VWA8: variants seen among roughly 807,000 people sequenced by gnomAD.
VWA8 encodes von Willebrand factor A domain-containing protein 8.
Under a neutral mutation model 241.5 loss-of-function variants are expected in VWA8, and 221 were observed. The ratio of observed to expected loss-of-function variants is 0.91; its 90% confidence interval spans 0.82 to 1.02. VWA8 has a LOEUF of 1.02. Ranked by LOEUF, VWA8 falls within the 50% of genes least tolerant of loss-of-function variation. The pLI is 0.00. For synonymous variants in VWA8, 852 were observed against 827.1 expected, an observed-to-expected ratio of 1.03 and a Z score of -0.52; for missense variants, 2,322 against 2,328.7, an observed-to-expected ratio of 1.00 and a Z score of 0.06.
chr13:41,755,906 CAA>C (rs1172961129), intron 21 of VWA8, among the ~76,000 whole-genome samples: 1 of 151,528 alleles, frequency 6.6e-6, no homozygotes, highest in African/African-American at 2.4e-5. Flanking sequence ...GCATTCACAT[CAA>C]AAAGTTTTTT....
intron 12 of VWA8, among the ~76,000 whole-genome samples, chr13:41,848,240 C>G (rs1033692403): frequency 1.3e-5 from 2 of 152,060 alleles, no homozygotes; most frequent in African/African-American, 4.8e-5. Flanking sequence ...CAGCAGGAAG[C>G]CAAACATTTG....
intron 12 of VWA8, among the ~76,000 whole-genome samples, chr13:41,850,486 C>T (rs1872484084): frequency 6.6e-6 from 1 of 152,112 alleles, no homozygotes; most frequent in Admixed American, 6.5e-5. Context: ...GACTCAGCCT[C>T]AAGGTCTGCC....
At chr13:41,623,258 A>T (rs1375287404) in intron 37 of VWA8, among the ~76,000 whole-genome samples, 1 of 152,174 alleles carries the variant, frequency 6.6e-6, no homozygotes, top group African/African-American at 2.4e-5. Flanking sequence ...TAGCATCCAC[A>T]TGGTGACCAT....
intron 16 of VWA8, among the ~76,000 whole-genome samples, chr13:41,815,539 T>C (rs569134447): frequency 6.6e-6 from 1 of 152,224 alleles, no homozygotes; most frequent in South Asian, 2.1e-4. Flanking sequence ...GCAGGATTGA[T>C]ATGGTGAGTC....
At chr13:41,685,739 A>C (rs985156245) in intron 34 of VWA8, among the ~76,000 whole-genome samples, 1 of 152,144 alleles carries the variant, frequency 6.6e-6, no homozygotes, top group African/African-American at 2.4e-5. Flanking sequence ...TAAAGTAAAC[A>C]TCTATACATA....
At chr13:41,884,891 AT>A (rs1874444271) in intron 8 of VWA8, among the ~76,000 whole-genome samples, 1 of 1,674 alleles carries the variant, frequency 6.0e-4, no homozygotes, top group African/African-American at 6.8e-4. Context: ...ACATACATAT[AT>A]ACATACATAC....
intron 43 of VWA8, among the ~76,000 whole-genome samples, chr13:41,571,118 A>G (rs2044298500): frequency 6.6e-6 from 1 of 152,222 alleles, no homozygotes; most frequent in Non-Finnish European, 1.5e-5. Flanking sequence ...CACGTCAATA[A>G]CGATGGAGGA....
chr13:41,582,290 A>G (rs1233852553), intron 42 of VWA8, among the ~76,000 whole-genome samples: 1 of 152,204 alleles, frequency 6.6e-6, no homozygotes, highest in Non-Finnish European at 1.5e-5. Flanking sequence ...GGCTGACTCC[A>G]AATGAGCCTC....
intron 3 of VWA8, among the ~76,000 whole-genome samples, chr13:41,909,287 T>C (rs953355901): frequency 6.6e-6 from 1 of 152,202 alleles, no homozygotes; most frequent in Middle Eastern, 3.2e-3. Flanking sequence ...CTCGAACTCT[T>C]GACTTCAAGT....
Position 41,865,982 on chromosome 13 carries a change from G to A in VWA8, c.1267C>T (p.Gln423Ter). Reference protein sequence around the residue: ...SQPCASDRFIQTLSHKQLQAE... With the variant: ...SQPCASDRFI ...TGTAGCTGCTTATGGCTCAAAGTCT[G>A]TATGAAACGGTCTGACGCACAAGGT... Residue 423 changes from glutamine to a stop codon, truncating the protein, a stop_gained, in exon 11 of 45, where the codon CAG (glutamine) becomes TAG (stop). Transcript: ENST00000379310. LOFTEE classifies it high-confidence loss of function. 1.9e-6 allele frequency: 3 copies of A among 1,614,202 alleles called. No homozygotes were observed. The highest frequency in any genetic ancestry group is 2.5e-6 in the Non-Finnish European group (3 of 1,180,044).
At chr13:41,825,786 A>G (rs1871149309) in intron 14 of VWA8, among the ~76,000 whole-genome samples, 1 of 152,272 alleles carries the variant, frequency 6.6e-6, no homozygotes, top group Admixed American at 6.5e-5. Context: ...ATGAAAGGAC[A>G]GACAATGTGG....
At chr13:41,929,067 T>C (rs1485053150) in intron 2 of VWA8, among the ~76,000 whole-genome samples, 2 of 151,588 alleles carry the variant, frequency 1.3e-5, no homozygotes, top group Non-Finnish European at 2.9e-5. Flanking sequence ...CTAAAATATA[T>C]GTGTAAAAAT....
chr13:41,950,010 T>A lies in VWA8; in HGVS notation c.167A>T (p.Asp56Val), dbSNP rs774332795. The A allele has an allele frequency of 1.9e-6, 3 of 1,562,328 alleles. No homozygotes were observed. The highest frequency in any genetic ancestry group is 2.6e-6 in the Non-Finnish European group (3 of 1,147,182). The change falls in exon 2 of 45, where the codon GAT (aspartate) becomes GTT (valine). Residue 56 changes from aspartate (D) to valine (V), a missense_variant. Physicochemically the swap from Asp to Val is radical, Grantham distance 152. Transcript: ENST00000379310. The stretch of plus-strand genomic sequence containing the variant: ...GGATACATCTCCAATATTAACTGTA[T>A]CACCTAAAAAGAGATTTTAAAAACA... The part of the protein sequence containing the change: ...LHAGSGADTG[D>V]TVNIGDVSYK...
chr13:41,691,392 A>G lies in VWA8; in HGVS notation c.3794T>C (p.Leu1265Pro). The G allele has an allele frequency of 6.2e-7, 1 of 1,612,850 alleles. No individual in the cohort carries two copies. Among genetic ancestry groups the G allele is most frequent in the Non-Finnish European group, 8.5e-7 (1 of 1,179,100 alleles). Residue 1265 changes from leucine to proline, a missense_variant, in exon 32 of 45, where the codon CTT (leucine) becomes CCT (proline). Physicochemically the swap from Leu to Pro is moderately conservative, Grantham distance 98. Transcript: ENST00000379310. The stretch of plus-strand genomic sequence containing the variant: ...GAAAACTGTCTTGAGGTTGATGGGA[A>G]GTGAGATGGTGTGAGTTCGCCCTTC... ...VLEGRTHTIS[L>P]PINLKTVFLV...
chr13:41,837,036 G>C (rs1290222870), intron 12 of VWA8, among the ~76,000 whole-genome samples: 1 of 25,306 alleles, frequency 4.0e-5, no homozygotes, highest in East Asian at 1.4e-3. Flanking sequence ...GCAGATAGAT[G>C]ATAGATAGAT....
intron 1 of VWA8, 44 bp downstream of exon 1, chr13:41,960,809 G>C (rs1418126266): frequency 6.7e-7 from 1 of 1,493,266 alleles, no homozygotes; most frequent in Non-Finnish European, 8.9e-7. Flanking sequence ...ACCCGGCACG[G>C]AGCGCAGGGG....
At chr13:41,628,934 G>A (rs1042666913) in intron 37 of VWA8, among the ~76,000 whole-genome samples, 5 of 152,162 alleles carry the variant, frequency 3.3e-5, no homozygotes, top group East Asian at 1.9e-4. Flanking sequence ...CCAGCTACTC[G>A]GGAGGCTGAG....
intron 43 of VWA8, among the ~76,000 whole-genome samples, chr13:41,572,021 G>GTGTC (rs940218916): frequency 1.3e-5 from 2 of 151,994 alleles, no homozygotes; most frequent in African/African-American, 4.8e-5. Flanking sequence ...GAATTGAGGA[G>GTGTC]TGTCTCTGCC....
intron 2 of VWA8, chr13:41,926,716 G>C (rs1329909357): frequency 5.6e-6 from 3 of 536,272 alleles, no homozygotes; most frequent in Admixed American, 2.0e-5. Context: ...ATGGCCCATA[G>C]GGCCAGGCCT....
Sources: gnomAD v4.1 joint callset for allele counts (sites outside exome capture counted in the v4.1 genomes callset) on GRCh38, gnomAD v4.1.1 for gene constraint, MANE v1.5 for transcripts, NCBI Gene and HGNC (gene_info 2026-07-23, HGNC 2026-07-21) for gene names.